Variants in CHRNA7 observed in about 807,000 individuals in gnomAD.
The protein encoded by CHRNA7 is neuronal acetylcholine receptor subunit alpha-7.
In CHRNA7, 17 loss-of-function variants were observed where a neutral mutation model predicts 48.0. The observed-to-expected ratio is 0.35, with a 90% CI of 0.24 to 0.53. The LOEUF (loss-of-function observed/expected upper bound fraction) is 0.53, where lower values mean the gene tolerates loss of function less well. Ranked by LOEUF, CHRNA7 falls within the 20% of genes least tolerant of loss-of-function variation. The probability of loss-of-function intolerance (pLI) is 0.92; values close to 1 mark genes in which losing one functional copy is unlikely to be tolerated. For synonymous variants in CHRNA7, 75 were observed against 242.3 expected (o/e 0.31, Z 6.41); for missense variants, 155 against 577.7 (o/e 0.27, Z 7.50).
At chr15:32,050,117 ATG>A (rs2049639067) in intron 2 of CHRNA7, among the ~76,000 whole-genome samples, 1 of 151,894 alleles carries the variant, frequency 6.6e-6, no homozygotes, top group Non-Finnish European at 1.5e-5. Flanking sequence ...TCTGACAATT[ATG>A]TGTCTTGGAG....
chr15:32,076,244 T>C (rs1484268438), intron 2 of CHRNA7, among the ~76,000 whole-genome samples: 1 of 152,222 alleles, frequency 6.6e-6, no homozygotes, highest in Non-Finnish European at 1.5e-5. Flanking sequence ...CTCTTTTAAA[T>C]TGTGGAGAGA....
intron 2 of CHRNA7, among the ~76,000 whole-genome samples, chr15:32,040,858 C>G (rs2049435981): frequency 6.6e-6 from 1 of 151,718 alleles, no homozygotes; most frequent in Non-Finnish European, 1.5e-5. Context: ...CAAGGCAGGT[C>G]TGCTTGAAAC....
intron 2 of CHRNA7, among the ~76,000 whole-genome samples, chr15:32,039,661 T>C (rs1339736096): frequency 1.3e-5 from 2 of 152,154 alleles, no homozygotes; most frequent in African/African-American, 2.4e-5. Context: ...TTGTTAAGGC[T>C]CTTTCTGTGG....
At chr15:32,150,387 C>G (rs2051599970) in intron 4 of CHRNA7, among the ~76,000 whole-genome samples, 1 of 152,122 alleles carries the variant, frequency 6.6e-6, no homozygotes, top group Non-Finnish European at 1.5e-5. Context: ...GTTGCTGCTA[C>G]TGAGGGTGAT....
intron 2 of CHRNA7, among the ~76,000 whole-genome samples, chr15:32,064,695 G>A (rs1440010149): frequency 1.3e-5 from 2 of 152,042 alleles, no homozygotes; most frequent in Non-Finnish European, 2.9e-5. Flanking sequence ...TGCTACCTGG[G>A]CAGTATGTGC....
chr15:32,080,871 T>C (rs530692957), intron 2 of CHRNA7, among the ~76,000 whole-genome samples: 1 of 152,088 alleles, frequency 6.6e-6, no homozygotes, highest in African/African-American at 2.4e-5. Context: ...CTATTCACAA[T>C]AGCAAAGACA....
chr15:32,121,381 T>C (rs1442656571), intron 4 of CHRNA7, among the ~76,000 whole-genome samples: 1 of 152,212 alleles, frequency 6.6e-6, no homozygotes, highest in African/African-American at 2.4e-5. Flanking sequence ...TTTTGTGTCC[T>C]TCAGTGAAGT....
intron 2 of CHRNA7, among the ~76,000 whole-genome samples, chr15:32,096,747 C>T (rs947594363): frequency 2.0e-5 from 3 of 152,106 alleles, no homozygotes; most frequent in Admixed American, 1.3e-4. Context: ...TAGCACATTA[C>T]GCATTACCAC....
chr15:32,056,667 A>T (rs978681064), intron 2 of CHRNA7, among the ~76,000 whole-genome samples: 1 of 152,206 alleles, frequency 6.6e-6, no homozygotes, highest in African/African-American at 2.4e-5. Context: ...CCCTGGCCCC[A>T]GGTTTCCCAT....
chr15:32,141,875 A>G (rs760705345), intron 4 of CHRNA7, among the ~76,000 whole-genome samples: 25 of 152,190 alleles, frequency 1.6e-4, no homozygotes, highest in Admixed American at 9.8e-4. Flanking sequence ...AACAGGGACA[A>G]TTTGACTTCC....
intron 4 of CHRNA7, among the ~76,000 whole-genome samples, chr15:32,138,466 C>G (rs1008662954): frequency 6.6e-6 from 1 of 151,058 alleles, no homozygotes; most frequent in Non-Finnish European, 1.5e-5. Flanking sequence ...AGCACAGCCT[C>G]CCCCATCATC....
intron 2 of CHRNA7, among the ~76,000 whole-genome samples, chr15:32,095,582 ACT>A (rs1197856705): frequency 6.6e-6 from 1 of 151,994 alleles, no homozygotes; most frequent in African/African-American, 2.4e-5. Context: ...AGACATCTGG[ACT>A]CTCTGACCAG....
At chr15:32,148,624 C>T (rs955199162) in intron 4 of CHRNA7, among the ~76,000 whole-genome samples, 1 of 152,202 alleles carries the variant, frequency 6.6e-6, no homozygotes, top group African/African-American at 2.4e-5. Context: ...GCCCCATGGG[C>T]TCCCCCTGCC....
chr15:32,061,481 A>C (rs2049877652), intron 2 of CHRNA7, among the ~76,000 whole-genome samples: 1 of 152,170 alleles, frequency 6.6e-6, no homozygotes, highest in Admixed American at 6.5e-5. Context: ...TCAGAGAGAG[A>C]CAAAATGTTT....
intron 4 of CHRNA7, among the ~76,000 whole-genome samples, chr15:32,137,779 T>G (rs1243341490): frequency 1.3e-5 from 2 of 152,220 alleles, no homozygotes; most frequent in Non-Finnish European, 2.9e-5. Context: ...CACTCACATA[T>G]GTATAGGAAT....
chr15:32,072,154 T>C (rs1487378233), intron 2 of CHRNA7, among the ~76,000 whole-genome samples: 1 of 152,204 alleles, frequency 6.6e-6, no homozygotes, highest in Non-Finnish European at 1.5e-5. Flanking sequence ...AGGGCACTCC[T>C]GTTACACCCT....
At chr15:32,064,009 T>C (rs1255289036) in intron 2 of CHRNA7, among the ~76,000 whole-genome samples, 1 of 152,232 alleles carries the variant, frequency 6.6e-6, no homozygotes, top group Non-Finnish European at 1.5e-5. Flanking sequence ...GACCTTATTT[T>C]TACCCTTACA....
chr15:32,127,254 G>A (rs2051082831), intron 4 of CHRNA7, among the ~76,000 whole-genome samples: 1 of 152,060 alleles, frequency 6.6e-6, no homozygotes, highest in African/African-American at 2.4e-5. Context: ...TTTCGCTATT[G>A]CAATCATAGC....
chr15:32,030,917 C>T lies in CHRNA7; in HGVS notation c.75C>T (p.Phe25=). The part of the protein sequence containing the change: ...SLLHVSLQGE[F]QRKLYKELVK... The stretch of plus-strand genomic sequence containing the variant: ...CTTAAGTGTCCCTGCAAGGCGAGTT[C>T]CAGAGGAAGCTTTACAAGGAGCTGG... Residue 25 remains phenylalanine (F), a synonymous_variant, in exon 2 of 10, where the codon TTC becomes TTT. Coordinates refer to ENST00000306901, the MANE Select transcript of CHRNA7 (RefSeq NM_000746.6). The T allele has an allele frequency of 6.2e-7, 1 of 1,614,098 alleles. No homozygotes were observed. The highest frequency in any genetic ancestry group is 8.5e-7 in the Non-Finnish European group (1 of 1,179,992).
Sources: allele counts gnomAD v4.1 joint callset (sites outside exome capture counted in the v4.1 genomes callset), GRCh38; gene constraint gnomAD v4.1.1; transcripts MANE v1.5; gene names NCBI Gene and HGNC (gene_info 2026-07-23, HGNC 2026-07-21).